The following HIP1 variants were observed in gnomAD, a reference collection of about 807,000 sequenced individuals.
HIP1 encodes huntingtin interacting protein 1, also known as huntingtin-interacting protein 1.
A neutral mutation model predicts 147.6 loss-of-function variants in HIP1; 65 were observed. That is an observed-to-expected ratio of 0.44 (90% CI 0.36 to 0.54). HIP1 has a LOEUF of 0.54. Among genes scored for constraint, HIP1 ranks in the 20% least tolerant of loss-of-function variants. HIP1 has a pLI of 0.00. For synonymous variants in HIP1, 479 were observed against 504.0 expected (o/e 0.95, Z 0.67); for missense variants, 1,061 against 1,299.6 (o/e 0.82, Z 2.82).
At chr7:75,673,982 C>T (rs1452530306) in intron 1 of HIP1, among the ~76,000 whole-genome samples, 1 of 151,828 alleles carries the variant, frequency 6.6e-6, no homozygotes, top group Non-Finnish European at 1.5e-5. Flanking sequence ...CAAGAAAGAC[C>T]CTGTCTCAAA....
chr7:75,558,819 G>A (rs58444377), intron 14 of HIP1, among the ~76,000 whole-genome samples: 1 of 152,100 alleles, frequency 6.6e-6, no homozygotes, highest in African/African-American at 2.4e-5. Flanking sequence ...AGGAGTTCAA[G>A]ACCAGCCTGA....
At position 75,559,996 on chromosome 7, in the gene HIP1, T is replaced by C. The variant is rs1204171835; in HGVS notation, c.1192-81A>G. 8.9e-6 allele frequency: 12 copies of C among 1,343,064 alleles called. No individual in the cohort carries two copies. The Admixed American group carries it at 1.3e-4, about 15-fold the overall frequency. The allele number at this position is 1,343,064 out of a possible 1,614,324, so 83.2% of individuals were successfully genotyped here. On this transcript the variant is annotated intron_variant, in intron 13 of 30. Coordinates refer to ENST00000336926, the MANE Select transcript of HIP1 (RefSeq NM_005338.7). Reference sequence around the variant, plus strand: ...TGGGCCGGAGAAGCGGGTCCTACCATGCTTCCAAGTAAATACCTGATTCCC... The same window carrying C: ...TGGGCCGGAGAAGCGGGTCCTACCACGCTTCCAAGTAAATACCTGATTCCC...
intron 12 of HIP1, 140 bp from the exon 13 acceptor site, chr7:75,561,541 G>A: frequency 1.5e-6 from 1 of 666,030 alleles, no homozygotes; most frequent in Non-Finnish European, 2.7e-6. Context: ...TACTCTAAAT[G>A]TTACCAGATA....
intron 1 of HIP1, among the ~76,000 whole-genome samples, chr7:75,675,733 C>T (rs1314891272): frequency 1.3e-5 from 2 of 151,888 alleles, no homozygotes; most frequent in South Asian, 2.1e-4. Flanking sequence ...AATCCCAGGA[C>T]ATTGGGAGGT....
rs1554498520 is a variant in HIP1 at position 75,581,232 on chromosome 7, C to T, written c.604+5G>A. The T allele has an allele frequency of 1.2e-6, 2 of 1,606,990 alleles. No homozygotes were observed. Among genetic ancestry groups the T allele is most frequent in the Non-Finnish European group, 8.5e-7 (1 of 1,175,216 alleles). On this transcript the variant is annotated splice_donor_5th_base_variant and intron_variant, in intron 7 of 30. Coordinates refer to ENST00000336926, the MANE Select transcript of HIP1 (RefSeq NM_005338.7). ...CCTGGGTTAGACGGGAGGGAAGAGA[C>T]TCACCTGTTTGGAAGAGGTTGAGTT...
chr7:75,664,782 G>C (rs1430921562), intron 1 of HIP1, among the ~76,000 whole-genome samples: 1 of 151,920 alleles, frequency 6.6e-6, no homozygotes, highest in Non-Finnish European at 1.5e-5. Flanking sequence ...CACCACGTCC[G>C]ACTAATTTTT....
At chr7:75,581,396 C>T (rs1796038421) in intron 6 of HIP1, 98 bp from the exon 7 acceptor site, 2 of 842,030 alleles carry the variant, frequency 2.4e-6, no homozygotes, top group Non-Finnish European at 4.0e-6. Flanking sequence ...GTCTCCAATG[C>T]TCATGTGCAT....
rs782236748 is a variant in HIP1, at chr7:75,599,221, A to G, written c.147T>C (p.Asn49=). 5.0e-6 allele frequency: 8 copies of G among 1,613,172 alleles called. No homozygotes were observed. The highest frequency in any genetic ancestry group is 6.8e-6 in the Non-Finnish European group (8 of 1,179,254). ...TQTVSINKAI[N]TQEVAVKEKH... ...TTTCCTTTACAGCCACTTCCTGCGT[A>G]TTAATGGCCTTATTGATGCTGACAG... is the stretch of plus-strand genomic sequence containing the variant. Residue 49 remains asparagine (N), a synonymous_variant, in exon 2 of 31, where the codon AAT becomes AAC. Coordinates refer to ENST00000336926, the MANE Select transcript of HIP1 (RefSeq NM_005338.7).
intron 1 of HIP1, among the ~76,000 whole-genome samples, chr7:75,647,815 G>A (rs375434171): frequency 6.6e-6 from 1 of 152,228 alleles, no homozygotes; most frequent in Admixed American, 6.5e-5. Flanking sequence ...TGAAAGGGAA[G>A]ATCATGGGTG....
chr7:75,700,768 C>T (rs558603702), intron 1 of HIP1, among the ~76,000 whole-genome samples: 83 of 151,698 alleles, frequency 5.5e-4, no homozygotes, highest in Non-Finnish European at 1.1e-3. Flanking sequence ...TGCAGTGGCG[C>T]GATCTCGGCT....
chr7:75,667,719 G>T (rs2705838), intron 1 of HIP1, among the ~76,000 whole-genome samples: 3 of 152,106 alleles, frequency 2.0e-5, no homozygotes, highest in Admixed American at 6.5e-5. Flanking sequence ...TCAAACTCCT[G>T]GCCTCAAGGA....
chr7:75,638,675 C>A lies in HIP1; in HGVS notation c.121-39428G>T, dbSNP rs1411294650. ...AGCCCCACACATCTTCCATCGATCT[C>A]CTGTAGGTGTGCGGGCAGGGGGCTC... On this transcript the variant is annotated intron_variant, in intron 1 of 30. Coordinates refer to ENST00000336926, the MANE Select transcript of HIP1 (RefSeq NM_005338.7). 2.0e-5 allele frequency among the ~76,000 whole-genome samples: 3 copies of A among 152,132 alleles called. No individual in the cohort carries two copies. In the East Asian group the frequency reaches 5.8e-4, roughly 29 times the overall value.
intron 7 of HIP1, among the ~76,000 whole-genome samples, chr7:75,578,415 C>A (rs1795919384): frequency 6.6e-6 from 1 of 152,174 alleles, no homozygotes; most frequent in African/African-American, 2.4e-5. Context: ...GTGGCTCATG[C>A]CAATAATCCC....
At chr7:75,589,104 C>G (rs6466747) in intron 4 of HIP1, among the ~76,000 whole-genome samples, 1 of 149,116 alleles carries the variant, frequency 6.7e-6, no homozygotes, top group Non-Finnish European at 1.5e-5. Context: ...GAGCAGAGAT[C>G]GTGCCATTGC....
rs117032011 is a variant in HIP1 at position 75,632,034 on chromosome 7, C to T, written c.121-32787G>A. Among the ~76,000 whole-genome samples the T allele has an allele frequency of 5.4e-3, 822 of 152,252 alleles. 3 individuals carry two copies. Among genetic ancestry groups the T allele is most frequent in the Non-Finnish European group, 6.9e-3 (470 of 68,014 alleles). Reference sequence around the variant, plus strand: ...TTAGCCCCTGACCAGAAGTGCAACTCGGAGGGGCCTCCGAAGACAGGTGCT... The same window carrying T: ...TTAGCCCCTGACCAGAAGTGCAACTTGGAGGGGCCTCCGAAGACAGGTGCT... On this transcript the variant is annotated intron_variant, in intron 1 of 30. Coordinates refer to ENST00000336926, the MANE Select transcript of HIP1 (RefSeq NM_005338.7).
intron 1 of HIP1, among the ~76,000 whole-genome samples, chr7:75,670,534 C>T (rs1289597213): frequency 1.3e-5 from 2 of 151,986 alleles, no homozygotes; most frequent in Non-Finnish European, 2.9e-5. Context: ...CCATCACGGC[C>T]GTTCATCTTT....
At position 75,688,349 on chromosome 7, in the gene HIP1, A is replaced by G. The variant is rs187411794; in HGVS notation, c.120+50452T>C. Among the ~76,000 whole-genome samples the G allele has an allele frequency of 2.0e-3, 307 of 151,898 alleles. 3 individuals carry two copies. The highest frequency in any genetic ancestry group is 7.2e-3 in the African/African-American group (297 of 41,464). ...ACACGCAGAAGTCCCTCAGCCCTAC[A>G]ATGAGAGCCAAGGAAGAACGGCCGG... is the stretch of plus-strand genomic sequence containing the variant. On this transcript the variant is annotated intron_variant, in intron 1 of 30. Transcript: ENST00000336926.
chr7:75,669,201 TAAAA>T (rs370470973), intron 1 of HIP1, among the ~76,000 whole-genome samples: 7 of 149,766 alleles, frequency 4.7e-5, no homozygotes, highest in South Asian at 2.1e-4. Context: ...CTGTCTATAC[TAAAA>T]AAAAAAAAAT....
intron 13 of HIP1, among the ~76,000 whole-genome samples, chr7:75,560,791 G>A (rs1206908377): frequency 6.6e-6 from 1 of 152,042 alleles, no homozygotes; most frequent in Non-Finnish European, 1.5e-5. Context: ...CACAGGTCTC[G>A]CTATGTTGCC....
Sources: gnomAD v4.1 joint callset for allele counts (sites outside exome capture counted in the v4.1 genomes callset) on GRCh38, gnomAD v4.1.1 for gene constraint, MANE v1.5 for transcripts, NCBI Gene and HGNC (gene_info 2026-07-23, HGNC 2026-07-21) for gene names.